The following KAZN variants were observed in gnomAD, a reference collection of about 807,000 sequenced individuals.
KAZN encodes the protein kazrin.
In KAZN, 40 loss-of-function variants were observed where a neutral mutation model predicts 87.4. The ratio of observed to expected loss-of-function variants is 0.46; its 90% CI spans 0.36 to 0.60. The LOEUF (loss-of-function observed/expected upper bound fraction) is 0.60, where lower values mean the gene tolerates loss of function less well. Ranked by LOEUF, KAZN falls within the 20% of genes least tolerant of loss-of-function variation. KAZN has a pLI of 0.00. For missense variants in KAZN, 898 were observed against 1,073.9 expected (o/e 0.84, Z 2.29); for synonymous variants, 466 against 458.3 (o/e 1.02, Z -0.22).
chr1:14,310,313 A>G (rs1363339580), intron 2 of KAZN, among the ~76,000 whole-genome samples: 1 of 152,142 alleles, frequency 6.6e-6, no homozygotes, highest in Non-Finnish European at 1.5e-5. Flanking sequence ...CAGACCAAAG[A>G]AAATGCATTT....
intron 1 of KAZN, among the ~76,000 whole-genome samples, chr1:13,996,116 G>T (rs1033654323): frequency 6.6e-6 from 1 of 152,170 alleles, no homozygotes; most frequent in African/African-American, 2.4e-5. Flanking sequence ...ACGGGGCAGG[G>T]GAACCCTCAA....
At chr1:14,442,267 A>C (rs1666748115) in intron 2 of KAZN, among the ~76,000 whole-genome samples, 1 of 152,222 alleles carries the variant, frequency 6.6e-6, no homozygotes, top group Non-Finnish European at 1.5e-5. Flanking sequence ...CAATATACTT[A>C]TACTTTTGAC....
intron 2 of KAZN, among the ~76,000 whole-genome samples, chr1:14,961,138 G>A (rs1663809390): frequency 6.6e-6 from 1 of 152,234 alleles, no homozygotes; most frequent in Non-Finnish European, 1.5e-5. Context: ...TGTGAATGGT[G>A]GATGGGCATC....
intron 2 of KAZN, among the ~76,000 whole-genome samples, chr1:14,577,371 T>C (rs893443602): frequency 1.3e-5 from 2 of 152,142 alleles, no homozygotes; most frequent in Admixed American, 1.3e-4. Context: ...ATTAAGCCAA[T>C]AGTGGCTTTA....
intron 2 of KAZN, among the ~76,000 whole-genome samples, chr1:14,367,019 CAGG>C (rs1390103275): frequency 6.6e-6 from 1 of 152,198 alleles, no homozygotes; most frequent in East Asian, 1.9e-4. Flanking sequence ...ATCACGAGGT[CAGG>C]AGTTCAAGAC....
At chr1:14,114,287 G>A (rs548454365) in intron 1 of KAZN, among the ~76,000 whole-genome samples, 18 of 152,244 alleles carry the variant, frequency 1.2e-4, no homozygotes, top group Admixed American at 2.0e-4. Context: ...GTGGGGGGCC[G>A]GCATTGGGGG....
At chr1:13,921,757 C>T (rs1640076354) in intron 1 of KAZN, among the ~76,000 whole-genome samples, 1 of 152,114 alleles carries the variant, frequency 6.6e-6, no homozygotes, top group Non-Finnish European at 1.5e-5. Flanking sequence ...TCCCGAGTAG[C>T]TGGGACAACA....
chr1:14,077,877 A>G (rs371395997), intron 1 of KAZN, among the ~76,000 whole-genome samples: 15 of 152,268 alleles, frequency 9.9e-5, no homozygotes, highest in Non-Finnish European at 1.6e-4. Flanking sequence ...GGAGTGATGC[A>G]TCTCCAAGCC....
At chr1:14,669,956 A>T (rs1428247032) in intron 1 of KAZN, among the ~76,000 whole-genome samples, 1 of 152,126 alleles carries the variant, frequency 6.6e-6, no homozygotes, top group Non-Finnish European at 1.5e-5. Context: ...TGCCCTCAAG[A>T]TTACCATTGA....
At chr1:14,731,111 G>A (rs1643658506) in intron 1 of KAZN, among the ~76,000 whole-genome samples, 1 of 152,172 alleles carries the variant, frequency 6.6e-6, no homozygotes, top group Non-Finnish European at 1.5e-5. Flanking sequence ...ATGGGGCTCT[G>A]GAGAACTGCA....
intron 2 of KAZN, among the ~76,000 whole-genome samples, chr1:15,007,349 G>A (rs982188923): frequency 3.9e-5 from 6 of 152,318 alleles, no homozygotes; most frequent in East Asian, 3.9e-4. Flanking sequence ...AACCCAGAAC[G>A]GGCACTCCAA....
intron 1 of KAZN, among the ~76,000 whole-genome samples, chr1:14,018,338 T>C (rs1299284952): frequency 6.6e-6 from 1 of 152,158 alleles, no homozygotes; most frequent in Non-Finnish European, 1.5e-5. Flanking sequence ...AGGCAAAATT[T>C]ACTGACAAGC....
At chr1:14,854,840 T>A (rs1279690742) in intron 1 of KAZN, among the ~76,000 whole-genome samples, 1 of 152,102 alleles carries the variant, frequency 6.6e-6, no homozygotes, top group African/African-American at 2.4e-5. Context: ...ATCTCTTTGA[T>A]AAAGTGTGAG....
chr1:14,716,816 T>A (rs1186247772), intron 1 of KAZN, among the ~76,000 whole-genome samples: 1 of 152,160 alleles, frequency 6.6e-6, no homozygotes, highest in Admixed American at 6.5e-5. Flanking sequence ...CCACCACAGT[T>A]ACTGACCCAC....
At chr1:14,636,910 A>G (rs535663808) in intron 1 of KAZN, among the ~76,000 whole-genome samples, 2 of 152,312 alleles carry the variant, frequency 1.3e-5, no homozygotes, top group African/African-American at 4.8e-5. Context: ...TCCAAATGCA[A>G]GCTGATGTGT....
chr1:14,896,526 T>C (rs1655295238), intron 1 of KAZN, among the ~76,000 whole-genome samples: 1 of 152,244 alleles, frequency 6.6e-6, no homozygotes. Context: ...AATTGGTTTC[T>C]GTTGCTTGCA....
intron 1 of KAZN, among the ~76,000 whole-genome samples, chr1:14,615,480 A>G (rs1356292930): frequency 6.6e-6 from 1 of 152,040 alleles, no homozygotes; most frequent in Non-Finnish European, 1.5e-5. Context: ...ATACAAAACT[A>G]CCCAGTGTGG....
intron 2 of KAZN, among the ~76,000 whole-genome samples, chr1:14,422,564 A>G (rs1453462844): frequency 6.6e-6 from 1 of 152,220 alleles, no homozygotes; most frequent in East Asian, 1.9e-4. Flanking sequence ...GAAGGAAACA[A>G]AAAGAAAAGT....
chr1:15,081,856 G>A lies in KAZN; in HGVS notation c.1223-12324G>A, dbSNP rs554915391. Among the ~76,000 whole-genome samples, 39 of 152,168 alleles carry A rather than the reference G, an allele frequency of 2.6e-4. No individual in the cohort carries two copies. The highest frequency in any genetic ancestry group is 3.9e-4 in the Admixed American group (6 of 15,290). On this transcript the variant is annotated intron_variant, in intron 8 of 14. Coordinates refer to ENST00000376030, the MANE Select transcript of KAZN (RefSeq NM_201628.3). This position sits in a 1 kb window ranked among gnomAD's most constrained non-coding sequence, Gnocchi z 4.1. ...AAGGTCGGCCTGTGGGTCACAGCAA[G>A]GACCTTGGGCTTTACCAGGGAGCCA...
Sources: gnomAD v4.1 joint callset for allele counts (sites outside exome capture counted in the v4.1 genomes callset) on GRCh38, gnomAD v4.1.1 for gene constraint, Gnocchi (gnomAD v3.1) non-coding constraint, MANE v1.5 for transcripts, NCBI Gene and HGNC (gene_info 2026-07-23, HGNC 2026-07-21) for gene names.